NIBAN2: variants seen among roughly 807,000 people sequenced by gnomAD.
NIBAN2 encodes niban apoptosis regulator 2, also known as protein Niban 2.
NIBAN2 carries 36 observed loss-of-function variants against 81.8 expected under a neutral mutation model. The ratio of observed to expected loss-of-function variants is 0.44; its 90% confidence interval spans 0.34 to 0.58. The LOEUF (loss-of-function observed/expected upper bound fraction) is 0.58. Ranked by LOEUF, NIBAN2 falls within the 20% of genes least tolerant of loss-of-function variation. The pLI is 0.02. For missense variants in NIBAN2, 897 were observed against 1,014.1 expected (o/e 0.88, Z 1.57); for synonymous variants, 445 against 441.6 (o/e 1.01, Z -0.10).
chr9:127,510,378 A>C, intron 8 of NIBAN2, 45 bp from the exon 9 acceptor site: 2 of 1,475,018 alleles, frequency 1.4e-6, no homozygotes, highest in Non-Finnish European at 1.8e-6. Context: ...CCCAAGGAGC[A>C]CCTCCCAGCC....
intron 5 of NIBAN2, among the ~76,000 whole-genome samples, chr9:127,518,319 C>A (rs1004575315): frequency 6.6e-6 from 1 of 152,184 alleles, no homozygotes; most frequent in Non-Finnish European, 1.5e-5. Flanking sequence ...AGAGCCAGGA[C>A]TAAAAGCTCC....
intron 9 of NIBAN2, chr9:127,509,904 C>G (rs1369027120): frequency 3.1e-6 from 1 of 318,660 alleles, no homozygotes; most frequent in Non-Finnish European, 5.8e-6. Context: ...TAGCACCACT[C>G]TTGGTTTCTA....
At chr9:127,543,871 C>T (rs1564311670) in intron 1 of NIBAN2, among the ~76,000 whole-genome samples, 1 of 152,198 alleles carries the variant, frequency 6.6e-6, no homozygotes, top group African/African-American at 2.4e-5. Context: ...ATGCATGTAA[C>T]AGTTAGTTCT....
At position 127,508,394 on chromosome 9, in the gene NIBAN2, G is replaced by T; in HGVS notation, c.1434+28C>A. 1 of 1,570,488 alleles carries T rather than the reference G, an allele frequency of 6.4e-7. No homozygotes were observed. Among genetic ancestry groups the T allele is most frequent in the Non-Finnish European group, 8.7e-7 (1 of 1,149,238 alleles). The stretch of plus-strand genomic sequence containing the variant: ...TCGGGGCTCGGCCTCGCCTAGGACG[G>T]TCCGGGGCAGGGCGTGGGGCCGCTC... On this transcript the variant is annotated intron_variant, in intron 11 of 13. Coordinates refer to ENST00000373312, the MANE Select transcript of NIBAN2 (RefSeq NM_022833.4). This position sits in a 1 kb window ranked among gnomAD's most constrained non-coding sequence, Gnocchi z 6.4.
chr9:127,540,793 G>A (rs1837363961), intron 1 of NIBAN2, among the ~76,000 whole-genome samples: 1 of 152,254 alleles, frequency 6.6e-6, no homozygotes. Flanking sequence ...GCCCTGGTTT[G>A]GCCCCAGTGG....
In NIBAN2 at chr9:127,506,756, C is replaced by T. The variant is rs1158140264; in HGVS notation, c.*89G>A. ...CTGCCCCGCCTCCACCCACAAGGCA[C>T]AGACCAGGGTGCCCTCCCCAGAGCT... On this transcript the variant is annotated 3_prime_UTR_variant, in exon 14 of 14. Transcript: ENST00000373312. 8 of 1,286,670 alleles carry T rather than the reference C, an allele frequency of 6.2e-6. No homozygotes were observed. The Middle Eastern group carries it at 8.3e-4, about 134-fold the overall frequency. 79.7% of individuals were successfully genotyped at this position (1,286,670 alleles called of 1,614,324 possible). A position where few individuals can be genotyped will look rare whatever the true frequency, so the allele number is the denominator to read the frequency against.
At chr9:127,521,517 C>G (rs1836940933) in intron 5 of NIBAN2, among the ~76,000 whole-genome samples, 1 of 152,148 alleles carries the variant, frequency 6.6e-6, no homozygotes, top group Admixed American at 6.5e-5. Flanking sequence ...TCCCTGGGAC[C>G]GCTGGTGTCC....
rs753222958 is a variant in NIBAN2 at position 127,517,272 on chromosome 9, T to G, written c.706-56A>C. 33 of 1,484,474 alleles carry G rather than the reference T, an allele frequency of 2.2e-5. No individual in the cohort carries two copies. Among genetic ancestry groups the G allele is most frequent in the Non-Finnish European group, 3.1e-5 (33 of 1,074,718 alleles). 92.0% of individuals were successfully genotyped at this position (1,484,474 alleles called of 1,614,324 possible). On this transcript the variant is annotated intron_variant, in intron 6 of 13. Transcript: ENST00000373312. The surrounding 1 kb of genome is among the most constrained non-coding windows in gnomAD (Gnocchi z 4.0). Reference sequence around the variant, plus strand: ...GGCTGGAGAGCGCTCAGCTGGCCTGTTTCTCTCTGCATTCCCACAAGCCAG... The same window carrying G: ...GGCTGGAGAGCGCTCAGCTGGCCTGGTTCTCTCTGCATTCCCACAAGCCAG...
intron 2 of NIBAN2, among the ~76,000 whole-genome samples, chr9:127,527,730 G>A (rs1425008076): frequency 1.3e-5 from 2 of 152,188 alleles, no homozygotes; most frequent in East Asian, 1.9e-4. Flanking sequence ...AGGTCGCTCC[G>A]GGCACGGGGG....
At chr9:127,531,481 C>CT (rs2132188837) in intron 2 of NIBAN2, among the ~76,000 whole-genome samples, 167 bp downstream of exon 2, 1 of 77,430 alleles carries the variant, frequency 1.3e-5, no homozygotes, top group East Asian at 2.2e-4. Context: ...GAGACTCTGT[C>CT]TCAAAAAAGA....
chr9:127,522,619 A>G (rs1386096198), intron 5 of NIBAN2, among the ~76,000 whole-genome samples: 1 of 151,770 alleles, frequency 6.6e-6, no homozygotes, highest in Non-Finnish European at 1.5e-5. Flanking sequence ...TCCCTGCTTC[A>G]GGGCCTCGTG....
At chr9:127,553,512 C>T (rs1432610836) in intron 1 of NIBAN2, among the ~76,000 whole-genome samples, 1 of 152,220 alleles carries the variant, frequency 6.6e-6, no homozygotes, top group Non-Finnish European at 1.5e-5. Flanking sequence ...CTCACAACAA[C>T]CCTCTTGAAG....
At chr9:127,528,408 T>C (rs1564304282) in intron 2 of NIBAN2, among the ~76,000 whole-genome samples, 1 of 152,188 alleles carries the variant, frequency 6.6e-6, no homozygotes, top group Admixed American at 6.5e-5. Context: ...ATAAGGTGCC[T>C]TTTGCAAAAA....
chr9:127,522,851 A>AAC (rs368003456), intron 5 of NIBAN2, among the ~76,000 whole-genome samples: 253 of 151,282 alleles, frequency 1.7e-3, no homozygotes, highest in Admixed American at 3.6e-3. Context: ...CCCCTCCCCC[A>AAC]ACACACACAC....
intron 1 of NIBAN2, among the ~76,000 whole-genome samples, chr9:127,566,813 C>T (rs1204725561): frequency 6.6e-6 from 1 of 152,084 alleles, no homozygotes; most frequent in Non-Finnish European, 1.5e-5. Flanking sequence ...TACACGCCCT[C>T]ATTCCCTTCC....
At chr9:127,549,467 A>G (rs1263982047) in intron 1 of NIBAN2, among the ~76,000 whole-genome samples, 1 of 152,184 alleles carries the variant, frequency 6.6e-6, no homozygotes, top group African/African-American at 2.4e-5. Flanking sequence ...ACACATGTGC[A>G]TGCCCACACA....
intron 2 of NIBAN2, among the ~76,000 whole-genome samples, chr9:127,529,347 C>T (rs774439286): frequency 1.3e-5 from 2 of 152,224 alleles, no homozygotes; most frequent in Non-Finnish European, 2.9e-5. Context: ...CATAAGATAA[C>T]TGCTGTTTTA....
Position 127,506,730 on chromosome 9 carries a change from C to A in NIBAN2, c.*115G>T. 5.2e-6 allele frequency: 5 copies of A among 954,246 alleles called. No homozygotes were observed. Among genetic ancestry groups the A allele is most frequent in the Non-Finnish European group, 7.6e-6 (5 of 661,280 alleles). The allele number at this position is 954,246 out of a possible 1,614,324, so 59.1% of individuals were successfully genotyped here. On this transcript the variant is annotated 3_prime_UTR_variant, in exon 14 of 14. Coordinates refer to ENST00000373312, the MANE Select transcript of NIBAN2 (RefSeq NM_022833.4). ...CCGCTCCCTGGCGGTGCCACACAGC[C>A]CTGCCCCGCCTCCACCCACAAGGCA...
At chr9:127,566,391 G>A (rs571990925) in intron 1 of NIBAN2, among the ~76,000 whole-genome samples, 7 of 152,294 alleles carry the variant, frequency 4.6e-5, no homozygotes, top group South Asian at 2.1e-4. Context: ...ACACTGCCTC[G>A]TGTAAGGAGG....
Sources: allele counts gnomAD v4.1 joint callset (sites outside exome capture counted in the v4.1 genomes callset), GRCh38; gene constraint gnomAD v4.1.1; non-coding constraint Gnocchi (gnomAD v3.1); transcripts MANE v1.5; gene names NCBI Gene and HGNC (gene_info 2026-07-23, HGNC 2026-07-21).